The following MACROD2 variants were observed in gnomAD, a reference collection of about 807,000 sequenced individuals.
MACROD2 encodes the protein ADP-ribose glycohydrolase MACROD2.
A neutral mutation model predicts 70.4 loss-of-function variants in MACROD2; 36 were observed. That is an observed-to-expected ratio of 0.51 (90% confidence interval 0.39 to 0.68). MACROD2 has a LOEUF of 0.68. Ranked by LOEUF, MACROD2 falls within the 30% of genes least tolerant of loss-of-function variation. MACROD2 has a pLI of 0.00. For synonymous variants in MACROD2, 172 were observed against 178.8 expected (o/e 0.96, Z 0.30); for missense variants, 496 against 538.4 (o/e 0.92, Z 0.78).
chr20:15,162,164 C>T (rs983062808), intron 5 of MACROD2, among the ~76,000 whole-genome samples: 3 of 152,040 alleles, frequency 2.0e-5, no homozygotes, highest in Admixed American at 2.0e-4. Context: ...ACTTGCTGCG[C>T]TTTCAAGAAA....
At chr20:15,628,640 T>C (rs2049242060) in intron 8 of MACROD2, among the ~76,000 whole-genome samples, 1 of 152,338 alleles carries the variant, frequency 6.6e-6, no homozygotes, top group Middle Eastern at 3.4e-3. Flanking sequence ...AGAAGTCTAT[T>C]ATACAAGACA....
chr20:15,506,353 T>C (rs947295590), intron 8 of MACROD2, among the ~76,000 whole-genome samples: 1 of 152,200 alleles, frequency 6.6e-6, no homozygotes, highest in East Asian at 1.9e-4. Context: ...AGGAATCCAC[T>C]GTAGAAATGC....
At chr20:15,340,456 C>A (rs578210826) in intron 6 of MACROD2, among the ~76,000 whole-genome samples, 1 of 152,128 alleles carries the variant, frequency 6.6e-6, no homozygotes, top group Non-Finnish European at 1.5e-5. Context: ...CTTTTTAACT[C>A]TCCTTTGAAT....
At chr20:14,861,981 A>ATATATATATATT (rs1357772323) in intron 5 of MACROD2, among the ~76,000 whole-genome samples, 9 of 49,696 alleles carry the variant, frequency 1.8e-4, no homozygotes, top group South Asian at 5.2e-4. Context: ...ATATAAATAT[A>ATATATATATATT]TATATATATA....
At chr20:14,764,926 C>T (rs73897208) in intron 5 of MACROD2, among the ~76,000 whole-genome samples, 4,100 of 152,000 alleles carry the variant, frequency 0.027, 201 homozygotes, top group African/African-American at 0.094. Context: ...ATTTCTCCAC[C>T]CTGTCCAGCT....
intron 5 of MACROD2, among the ~76,000 whole-genome samples, chr20:15,176,660 C>T (rs1173604460): frequency 6.6e-6 from 1 of 152,120 alleles, no homozygotes; most frequent in African/African-American, 2.4e-5. Flanking sequence ...CATTGCTCAT[C>T]CCCCAATTGT....
At chr20:14,463,071 G>T (rs867921463) in intron 3 of MACROD2, among the ~76,000 whole-genome samples, 103 of 152,192 alleles carry the variant, frequency 6.8e-4, no homozygotes, top group Middle Eastern at 6.8e-3. Context: ...ATTCTGTGAA[G>T]AAAGTCATTG....
chr20:14,328,191 G>T (rs866107696), intron 3 of MACROD2, among the ~76,000 whole-genome samples: 3 of 151,996 alleles, frequency 2.0e-5, no homozygotes, highest in Admixed American at 6.6e-5. Context: ...TATTTTAAAT[G>T]GATGGATTTC....
At chr20:15,700,207 A>G (rs999708644) in intron 8 of MACROD2, among the ~76,000 whole-genome samples, 22 of 152,214 alleles carry the variant, frequency 1.4e-4, no homozygotes, top group African/African-American at 5.3e-4. Context: ...AAAATTCACA[A>G]TGCAAGCCTC....
At chr20:16,003,201 G>T (rs2066739358) in intron 15 of MACROD2, among the ~76,000 whole-genome samples, 2 of 152,024 alleles carry the variant, frequency 1.3e-5, no homozygotes, top group South Asian at 2.1e-4. Flanking sequence ...CTTAAAATGT[G>T]TTCCTTGGAC....
At chr20:15,056,486 G>C (rs2075486815) in intron 5 of MACROD2, among the ~76,000 whole-genome samples, 1 of 152,110 alleles carries the variant, frequency 6.6e-6, no homozygotes, top group South Asian at 2.1e-4. Flanking sequence ...TTAGATTCTG[G>C]CCAGCAGTAT....
chr20:14,938,571 A>G (rs1043864494), intron 5 of MACROD2, among the ~76,000 whole-genome samples: 3 of 152,122 alleles, frequency 2.0e-5, no homozygotes, highest in African/African-American at 7.2e-5. Context: ...ACTTGAGGCC[A>G]GGAGTTCAAG....
intron 6 of MACROD2, among the ~76,000 whole-genome samples, chr20:15,366,911 T>C (rs1273550032): frequency 1.3e-5 from 2 of 152,150 alleles, no homozygotes; most frequent in Non-Finnish European, 2.9e-5. Context: ...GTCCCATCCT[T>C]CATAACTTTC....
intron 5 of MACROD2, among the ~76,000 whole-genome samples, chr20:15,080,224 A>G (rs901012149): frequency 2.0e-5 from 3 of 152,080 alleles, no homozygotes; most frequent in East Asian, 3.9e-4. Context: ...GAACTCCTCA[A>G]AAGACATGTC....
At chr20:15,053,600 C>T (rs2123059526) in intron 5 of MACROD2, among the ~76,000 whole-genome samples, 1 of 152,250 alleles carries the variant, frequency 6.6e-6, no homozygotes, top group Middle Eastern at 3.4e-3. Context: ...AATATTATCG[C>T]TTATTAACAA....
At chr20:15,188,049 C>G (rs559560807) in intron 5 of MACROD2, among the ~76,000 whole-genome samples, 1 of 152,068 alleles carries the variant, frequency 6.6e-6, no homozygotes, top group Non-Finnish European at 1.5e-5. Context: ...TTATAAAATT[C>G]GGCACATCAA....
At chr20:15,249,656 T>C (rs1157418747) in intron 6 of MACROD2, among the ~76,000 whole-genome samples, 1 of 152,230 alleles carries the variant, frequency 6.6e-6, no homozygotes. Flanking sequence ...TGGTAACTAT[T>C]AGTTTAAAGG....
intron 3 of MACROD2, among the ~76,000 whole-genome samples, chr20:14,091,076 C>G (rs1484190982): frequency 6.6e-6 from 1 of 151,980 alleles, no homozygotes; most frequent in Non-Finnish European, 1.5e-5. Flanking sequence ...GATCCTTTGC[C>G]TGATTTTTAA....
chr20:14,498,357 G>A (rs1321474458), intron 4 of MACROD2, among the ~76,000 whole-genome samples: 1 of 152,144 alleles, frequency 6.6e-6, no homozygotes, highest in African/African-American at 2.4e-5. Context: ...GATAGTATTT[G>A]TGCATCTCCA....
Sources: allele counts gnomAD v4.1 joint callset (sites outside exome capture counted in the v4.1 genomes callset), GRCh38; gene constraint gnomAD v4.1.1; transcripts MANE v1.5; gene names NCBI Gene and HGNC (gene_info 2026-07-23, HGNC 2026-07-21).